The following ARHGAP23 variants were observed in gnomAD, a reference collection of about 807,000 sequenced individuals.
ARHGAP23 encodes the protein Rho GTPase activating protein 23, also known as rho GTPase-activating protein 23.
In ARHGAP23, 34 loss-of-function variants were observed where a neutral mutation model predicts 136.3. That is an observed-to-expected ratio of 0.25 (90% CI 0.19 to 0.33). The LOEUF is 0.33. Among genes scored for constraint, ARHGAP23 ranks in the 10% least tolerant of loss-of-function variants. The probability of loss-of-function intolerance (pLI) is 1.00; values close to 1 mark genes in which losing one functional copy is unlikely to be tolerated. For synonymous variants in ARHGAP23, 832 were observed against 920.5 expected (o/e 0.90, Z 1.74); for missense variants, 1,808 against 2,139.0 (o/e 0.85, Z 3.05).
rs543305112 is a variant in ARHGAP23, at chr17:38,510,126, G to A, written c.3630G>A (p.Gln1210=). 5.5e-6 allele frequency: 7 copies of A among 1,266,988 alleles called. 1 individual carries two copies. In the East Asian group the frequency reaches 2.2e-4, roughly 40 times the overall value. 78.5% of individuals were successfully genotyped at this position (1,266,988 alleles called of 1,614,324 possible). A position where few individuals can be genotyped will look rare whatever the true frequency, so the allele number is the denominator to read the frequency against. The change falls in exon 24 of 24, where the codon CAG becomes CAA. Residue 1210 remains glutamine (Q), a synonymous_variant. Transcript: ENST00000622683. The surrounding 1 kb of genome is among the most constrained non-coding windows in gnomAD (Gnocchi z 4.6). ...CGGGGGCCACAGCGCCGGGGACTCA[G>A]GAGCGGCCGCAGGGGCCGCTGCCTG... is the stretch of plus-strand genomic sequence containing the variant. ...PGAGATAPGT[Q]ERPQGPLPGA...
intron 1 of ARHGAP23, among the ~76,000 whole-genome samples, chr17:38,422,153 G>C (rs909377902): frequency 6.6e-6 from 1 of 152,172 alleles, no homozygotes; most frequent in African/African-American, 2.4e-5. Flanking sequence ...ATCAGACTTC[G>C]GCTAGAATCC....
At position 38,458,105 on chromosome 17, in the gene ARHGAP23, C is replaced by T; in HGVS notation, c.67C>T (p.Pro23Ser). 1 of 1,536,074 alleles carries T rather than the reference C, an allele frequency of 6.5e-7. No individual in the cohort carries two copies. The highest frequency in any genetic ancestry group is 8.7e-7 in the Non-Finnish European group (1 of 1,146,892). ...PRPEPRPPQLPLGPRDGCSPR... is the reference protein window; with the variant it reads ...PRPEPRPPQLSLGPRDGCSPR... ...CTGGCCTCTCTGTCTCCCACAGCTG[C>T]CACTGGGCCCAAGAGATGGGTGCTC... Residue 23 changes from proline to serine, a missense_variant, in exon 2 of 24, where the codon CCA becomes TCA. Coordinates refer to ENST00000622683, the MANE Select transcript of ARHGAP23 (RefSeq NM_001199417.2).
intron 20 of ARHGAP23, among the ~76,000 whole-genome samples, chr17:38,493,600 C>T (rs927038657): frequency 6.6e-6 from 1 of 152,142 alleles, no homozygotes; most frequent in Non-Finnish European, 1.5e-5. Context: ...GGATGATTGT[C>T]GAGGGAATGA....
At chr17:38,455,526 C>G (rs2039302646) in intron 1 of ARHGAP23, among the ~76,000 whole-genome samples, 1 of 152,176 alleles carries the variant, frequency 6.6e-6, no homozygotes, top group Admixed American at 6.5e-5. Context: ...GCTGGCAGCT[C>G]CAGGCAGGAT....
chr17:38,489,658 CTTATCATGTTCCATTT>C (rs1322495636), intron 17 of ARHGAP23: 1 of 164,750 alleles, frequency 6.1e-6, no homozygotes, highest in East Asian at 1.7e-4. Context: ...TCAGAATAGG[CTTATCATGTTCCATTT>C]TTTAAAGGTC....
chr17:38,424,948 C>T (rs987791204), upstream of ARHGAP23, among the ~76,000 whole-genome samples: 2 of 152,216 alleles, frequency 1.3e-5, no homozygotes, highest in Non-Finnish European at 2.9e-5. Flanking sequence ...TGGCCTTGCC[C>T]TGCACTCTTC....
chr17:38,453,968 C>G (rs2039260757), intron 1 of ARHGAP23: 1 of 145,970 alleles, frequency 6.9e-6, no homozygotes, highest in Non-Finnish European at 1.5e-5. Flanking sequence ...GAGCCCCCGC[C>G]GGCCGCGGAG....
rs1175595389 is a variant in ARHGAP23 at position 38,511,153 on chromosome 17, G to A, written c.*181G>A. 1 of 659,290 alleles carries A rather than the reference G, an allele frequency of 1.5e-6. No individual in the cohort carries two copies. Among genetic ancestry groups the A allele is most frequent in the Non-Finnish European group, 2.3e-6 (1 of 433,240 alleles). The allele number at this position is 659,290 out of a possible 1,614,324, so 40.8% of individuals were successfully genotyped here. A position where few individuals can be genotyped will look rare whatever the true frequency, so the allele number is the denominator to read the frequency against. On this transcript the variant is annotated 3_prime_UTR_variant, in exon 24 of 24. Coordinates refer to ENST00000622683, the MANE Select transcript of ARHGAP23 (RefSeq NM_001199417.2). ...TGGCAGGGCAGAGGAGAAGGCTGGG[G>A]CCGGACTAATTGAATGGAAGGGGGT...
chr17:38,475,096 C>A (rs924408876), intron 11 of ARHGAP23, among the ~76,000 whole-genome samples: 1 of 152,212 alleles, frequency 6.6e-6, no homozygotes, highest in Non-Finnish European at 1.5e-5. Context: ...CTCTTGGTGC[C>A]GTGGCCTGGA....
intron 14 of ARHGAP23, among the ~76,000 whole-genome samples, chr17:38,481,443 G>T (rs1230811856): frequency 6.6e-6 from 1 of 152,046 alleles, no homozygotes; most frequent in South Asian, 2.1e-4. Flanking sequence ...CACCGCGCCC[G>T]GCCCACGCCC....
intron 17 of ARHGAP23, among the ~76,000 whole-genome samples, chr17:38,488,154 C>T (rs958296606): frequency 9.3e-4 from 142 of 152,266 alleles, no homozygotes; most frequent in Middle Eastern, 6.8e-3. Flanking sequence ...GTGATCATCG[C>T]GCCTCGGCCT....
chr17:38,448,834 T>A (rs2074612755), intron 1 of ARHGAP23, among the ~76,000 whole-genome samples: 1 of 147,402 alleles, frequency 6.8e-6, no homozygotes, highest in Admixed American at 6.7e-5. Context: ...TTTGTAGAGA[T>A]GGGGTCTTGC....
chr17:38,428,618 C>A, intron 1 of ARHGAP23, 70 bp downstream of exon 1: 1 of 1,093,694 alleles, frequency 9.1e-7, no homozygotes, highest in South Asian at 2.5e-5. Context: ...AAGCCAGGGT[C>A]GCTGCGACCC....
intron 1 of ARHGAP23, among the ~76,000 whole-genome samples, chr17:38,433,413 G>A (rs549863374): frequency 6.6e-6 from 1 of 152,302 alleles, no homozygotes; most frequent in African/African-American, 2.4e-5. Context: ...ATGCACTTTT[G>A]CCTCAGTAAA....
chr17:38,433,830 T>C (rs2038735066), intron 1 of ARHGAP23, among the ~76,000 whole-genome samples: 1 of 151,884 alleles, frequency 6.6e-6, no homozygotes, highest in Non-Finnish European at 1.5e-5. Flanking sequence ...TGTGGGATTG[T>C]ATTCTAGGCC....
At chr17:38,463,307 A>G (rs1179553974) in intron 5 of ARHGAP23, 21 bp from the exon 6 acceptor site, 2 of 1,551,474 alleles carry the variant, frequency 1.3e-6, no homozygotes, top group East Asian at 4.9e-5. Flanking sequence ...ACCCAGCCTG[A>G]CGTTCTGCCT....
At chr17:38,453,245 G>C (rs1042413117) in intron 1 of ARHGAP23, among the ~76,000 whole-genome samples, 1 of 136,466 alleles carries the variant, frequency 7.3e-6, no homozygotes, top group Non-Finnish European at 1.7e-5. Context: ...CTGTGTGTGT[G>C]GGGGGGATAG....
intron 1 of ARHGAP23, among the ~76,000 whole-genome samples, chr17:38,419,762 A>G (rs917113519): frequency 2.0e-5 from 3 of 152,110 alleles, no homozygotes; most frequent in Admixed American, 6.5e-5. Flanking sequence ...CCCAGGCCCA[A>G]GGAGGCTACA....
At chr17:38,438,215 G>A (rs570416322) in intron 1 of ARHGAP23, among the ~76,000 whole-genome samples, 20 of 152,124 alleles carry the variant, frequency 1.3e-4, no homozygotes, top group African/African-American at 3.4e-4. Context: ...CAGCTACTTG[G>A]GGGGCTGAGG....
Sources: allele counts gnomAD v4.1 joint callset (sites outside exome capture counted in the v4.1 genomes callset), GRCh38; gene constraint gnomAD v4.1.1; non-coding constraint Gnocchi (gnomAD v3.1); transcripts MANE v1.5; gene names NCBI Gene and HGNC (gene_info 2026-07-23, HGNC 2026-07-21).